MACROD2: variants seen among roughly 807,000 people sequenced by gnomAD.
The protein encoded by MACROD2 is ADP-ribose glycohydrolase MACROD2.
Under a neutral mutation model 70.4 loss-of-function variants are expected in MACROD2, and 36 were observed. The ratio of observed to expected loss-of-function variants is 0.51; its 90% CI spans 0.39 to 0.68. The LOEUF (loss-of-function observed/expected upper bound fraction) is 0.68. Among genes scored for constraint, MACROD2 ranks in the 30% least tolerant of loss-of-function variants. The pLI, the probability that MACROD2 is intolerant of heterozygous loss-of-function variation, is 0.00. For missense variants in MACROD2, 496 were observed against 538.4 expected, an observed-to-expected ratio of 0.92 and a Z score of 0.78; for synonymous variants, 172 against 178.8, an observed-to-expected ratio of 0.96 and a Z score of 0.30.
At chr20:15,439,418 A>T (rs2046467051) in intron 7 of MACROD2, among the ~76,000 whole-genome samples, 1 of 152,194 alleles carries the variant, frequency 6.6e-6, no homozygotes, top group Admixed American at 6.5e-5. Context: ...TAATTTCAAG[A>T]GTGAGCATAC....
chr20:15,503,208 T>G (rs930362172), intron 8 of MACROD2, among the ~76,000 whole-genome samples: 1 of 152,166 alleles, frequency 6.6e-6, no homozygotes, highest in Non-Finnish European at 1.5e-5. Flanking sequence ...TTTTGGTGCA[T>G]TTACTGAGAT....
chr20:14,002,314 G>T lies in MACROD2; in HGVS notation c.73G>T (p.Glu25Ter). ...ACGTTTATTGAAGATGACCTTAGAA[G>T]AGAGACGCAAAGAATACCTAAGAGA... ...KERLLKMTLE[E>*]RRKEYLRDYI... The change falls in exon 2 of 18, where the codon GAG becomes TAG. Residue 25 changes from glutamate (E) to a stop codon, truncating the protein, a stop_gained. Coordinates refer to ENST00000684519, the MANE Select transcript of MACROD2 (RefSeq NM_001351661.2). LOFTEE classifies it high-confidence loss of function. 1 of 1,607,706 alleles carries T rather than the reference G, an allele frequency of 6.2e-7. No homozygotes were observed. The highest frequency in any genetic ancestry group is 8.5e-7 in the Non-Finnish European group (1 of 1,177,578).
chr20:15,410,273 C>T (rs4814363), intron 6 of MACROD2, among the ~76,000 whole-genome samples: 68,775 of 151,940 alleles, frequency 0.45, 15,758 homozygotes, highest in Middle Eastern at 0.5. Flanking sequence ...TTAGTACTTA[C>T]GACTATCTAA....
rs533246610 is a variant in MACROD2 at position 15,618,681 on chromosome 20, A to G, written c.645+118834A>G. Among the ~76,000 whole-genome samples, 3 of 152,278 alleles carry G rather than the reference A, an allele frequency of 2.0e-5. No individual in the cohort carries two copies. The East Asian group carries it at 5.8e-4, about 30-fold the overall frequency. On this transcript the variant is annotated intron_variant, in intron 8 of 17. Transcript: ENST00000684519. ...GCAGGGGCTTCTGCCTCTCTAACCC[A>G]TGCCCAAGCCACCTCCTGACCCCTG...
intron 4 of MACROD2, among the ~76,000 whole-genome samples, chr20:14,674,796 C>T (rs1261390571): frequency 1.3e-5 from 2 of 152,118 alleles, no homozygotes; most frequent in Non-Finnish European, 2.9e-5. Flanking sequence ...TATGGTAATT[C>T]GATTTTTAAA....
intron 5 of MACROD2, among the ~76,000 whole-genome samples, chr20:14,982,143 C>A (rs2074806535): frequency 6.6e-6 from 1 of 152,062 alleles, no homozygotes; most frequent in African/African-American, 2.4e-5. Flanking sequence ...TTTGTCCCTG[C>A]CCTAGAGATC....
intron 5 of MACROD2, among the ~76,000 whole-genome samples, chr20:15,047,491 C>T (rs1356674825): frequency 6.6e-6 from 1 of 152,110 alleles, no homozygotes; most frequent in Non-Finnish European, 1.5e-5. Flanking sequence ...ATTTTTAACT[C>T]ATTTGTGTCA....
chr20:14,624,851 G>T (rs1159827149), intron 4 of MACROD2, among the ~76,000 whole-genome samples: 7 of 152,226 alleles, frequency 4.6e-5, no homozygotes, highest in Admixed American at 3.9e-4. Flanking sequence ...ATGCCAGCCA[G>T]AAATGTACTG....
intron 6 of MACROD2, among the ~76,000 whole-genome samples, chr20:15,337,282 T>A (rs1329548534): frequency 6.6e-6 from 1 of 151,702 alleles, no homozygotes; most frequent in Non-Finnish European, 1.5e-5. Flanking sequence ...TGGTTTTGAT[T>A]TTTTTTCCTG....
chr20:15,965,477 A>G (rs987278785), intron 12 of MACROD2, among the ~76,000 whole-genome samples: 3 of 152,196 alleles, frequency 2.0e-5, no homozygotes, highest in Non-Finnish European at 4.4e-5. Flanking sequence ...TATGATTAAC[A>G]ACAGTGAATT....
intron 8 of MACROD2, among the ~76,000 whole-genome samples, chr20:15,770,871 C>G (rs970787772): frequency 1.3e-5 from 2 of 152,112 alleles, no homozygotes; most frequent in Non-Finnish European, 2.9e-5. Flanking sequence ...TGGCCAAACA[C>G]CCAAGCACAC....
intron 5 of MACROD2, among the ~76,000 whole-genome samples, chr20:15,000,485 C>T (rs908436111): frequency 3.5e-5 from 5 of 143,634 alleles, no homozygotes; most frequent in African/African-American, 5.6e-5. Context: ...TAGCCGGGCG[C>T]GGTGGCGGGC....
chr20:15,762,251 G>A (rs972476431), intron 8 of MACROD2, among the ~76,000 whole-genome samples: 4 of 152,140 alleles, frequency 2.6e-5, no homozygotes, highest in East Asian at 3.8e-4. Context: ...CCTGTGAGGC[G>A]AATGTTACTG....
intron 3 of MACROD2, among the ~76,000 whole-genome samples, chr20:14,256,313 T>C (rs2082056020): frequency 6.6e-6 from 1 of 152,194 alleles, no homozygotes; most frequent in Non-Finnish European, 1.5e-5. Flanking sequence ...CTCACGCATA[T>C]TGATCATAAT....
intron 6 of MACROD2, among the ~76,000 whole-genome samples, chr20:15,285,970 A>G (rs2077487503): frequency 1.3e-5 from 2 of 152,176 alleles, no homozygotes; most frequent in South Asian, 4.2e-4. Flanking sequence ...TCATTCCTCC[A>G]AAGACTATCC....
intron 2 of MACROD2, among the ~76,000 whole-genome samples, chr20:14,068,413 A>G (rs932603089): frequency 3.3e-5 from 5 of 152,176 alleles, no homozygotes; most frequent in African/African-American, 1.2e-4. Flanking sequence ...TTGCTAAGTA[A>G]TACAGGAAAC....
chr20:16,000,277 A>G (rs1379117707), intron 15 of MACROD2, among the ~76,000 whole-genome samples: 2 of 152,192 alleles, frequency 1.3e-5, no homozygotes, highest in African/African-American at 2.4e-5. Flanking sequence ...ACATATACGC[A>G]TCCACTTGAG....
chr20:14,020,987 C>CTTTTTT (rs1163077387), intron 2 of MACROD2, among the ~76,000 whole-genome samples: 20 of 111,528 alleles, frequency 1.8e-4, no homozygotes, highest in Non-Finnish European at 2.7e-4. Context: ...TTTGAATATT[C>CTTTTTT]TTTTTTTTTT....
intron 5 of MACROD2, among the ~76,000 whole-genome samples, chr20:15,004,451 C>T (rs117996952): frequency 0.021 from 3,255 of 152,224 alleles, 69 homozygotes; most frequent in Admixed American, 0.048. Flanking sequence ...CCTTTTAAAG[C>T]ATATCATCAA....
Sources: gnomAD v4.1 joint callset for allele counts (sites outside exome capture counted in the v4.1 genomes callset) on GRCh38, gnomAD v4.1.1 for gene constraint, MANE v1.5 for transcripts, NCBI Gene and HGNC (gene_info 2026-07-23, HGNC 2026-07-21) for gene names.